The following PCDH7 variants were observed in gnomAD, a reference collection of about 807,000 sequenced individuals.
PCDH7 encodes the protein protocadherin 7.
A neutral mutation model predicts 58.9 loss-of-function variants in PCDH7; 17 were observed. That is an observed-to-expected ratio of 0.29 (90% confidence interval 0.20 to 0.43). PCDH7 has a LOEUF of 0.43. PCDH7 is among the 20% of genes least tolerant of loss of function. The pLI, the probability that PCDH7 is intolerant of heterozygous loss-of-function variation, is 1.00. For missense variants in PCDH7, 1,274 were observed against 1,441.0 expected (o/e 0.88, Z 1.88); for synonymous variants, 664 against 616.4 (o/e 1.08, Z -1.14).
intron 3 of PCDH7, among the ~76,000 whole-genome samples, chr4:31,120,290 C>A (rs56271018): frequency 0.12 from 17,990 of 151,312 alleles, 2,096 homozygotes; most frequent in East Asian, 0.48. Flanking sequence ...CTGTTCATCC[C>A]TATTTCTTTT....
At chr4:31,132,800 C>T (rs930141614) in intron 3 of PCDH7, among the ~76,000 whole-genome samples, 3 of 152,128 alleles carry the variant, frequency 2.0e-5, no homozygotes, top group African/African-American at 7.2e-5. Context: ...AACAAAGATT[C>T]AGTTGCTGGC....
intron 3 of PCDH7, among the ~76,000 whole-genome samples, chr4:31,067,757 G>A (rs1190089774): frequency 6.6e-6 from 1 of 151,900 alleles, no homozygotes; most frequent in Non-Finnish European, 1.5e-5. Flanking sequence ...GAACAAACAA[G>A]CTTCTTCCTT....
rs534623220 is a variant in PCDH7 at position 30,853,795 on chromosome 4, A to G, written c.71-66358A>G. The stretch of plus-strand genomic sequence containing the variant: ...GTTAAAAGTCACTTTGGATGTAAAA[A>G]TGTAACTACCACATCAGCCAGGATT... On this transcript the variant is annotated intron_variant, in intron 1 of 3. Transcript: ENST00000509759. 7.2e-5 allele frequency among the ~76,000 whole-genome samples: 11 copies of G among 152,198 alleles called. No homozygotes were observed. In the South Asian group the frequency reaches 2.3e-3, roughly 32 times the overall value.
intron 3 of PCDH7, among the ~76,000 whole-genome samples, chr4:30,987,203 A>C (rs1360016522): frequency 6.6e-6 from 1 of 152,170 alleles, no homozygotes; most frequent in Non-Finnish European, 1.5e-5. Flanking sequence ...AAACAACAAC[A>C]AAAACAAAAC....
chr4:30,979,473 A>C (rs1254031510), intron 3 of PCDH7, among the ~76,000 whole-genome samples: 1 of 152,184 alleles, frequency 6.6e-6, no homozygotes, highest in African/African-American at 2.4e-5. Flanking sequence ...GGTATTTACA[A>C]ATATCAATTC....
At chr4:30,904,338 A>C (rs758402974) in intron 1 of PCDH7, among the ~76,000 whole-genome samples, 1 of 152,130 alleles carries the variant, frequency 6.6e-6, no homozygotes, top group Non-Finnish European at 1.5e-5. Flanking sequence ...AGCTCTTGGC[A>C]TGCAGCCCAC....
intron 3 of PCDH7, among the ~76,000 whole-genome samples, chr4:30,961,722 A>G (rs1191733926): frequency 1.3e-5 from 2 of 152,194 alleles, no homozygotes; most frequent in Non-Finnish European, 2.9e-5. Flanking sequence ...ATTATTGCCA[A>G]TTAATACAGA....
intron 1 of PCDH7, among the ~76,000 whole-genome samples, chr4:30,835,109 TG>T (rs1730315313): frequency 6.6e-6 from 1 of 152,180 alleles, no homozygotes; most frequent in Non-Finnish European, 1.5e-5. Flanking sequence ...TGGGGTTTGC[TG>T]TGTGCCATAT....
At chr4:30,812,253 T>C (rs1194434859) in intron 1 of PCDH7, among the ~76,000 whole-genome samples, 1 of 152,206 alleles carries the variant, frequency 6.6e-6, no homozygotes, top group Non-Finnish European at 1.5e-5. Context: ...CAGCACAGTT[T>C]TGAGATCATC....
intron 3 of PCDH7, among the ~76,000 whole-genome samples, chr4:30,976,915 G>A (rs1750124785): frequency 6.6e-6 from 1 of 152,034 alleles, no homozygotes; most frequent in African/African-American, 2.4e-5. Context: ...ATCTTATCAG[G>A]AAACTGGGTA....
At chr4:30,746,726 A>G (rs1337696868) in intron 1 of PCDH7, among the ~76,000 whole-genome samples, 1 of 152,210 alleles carries the variant, frequency 6.6e-6, no homozygotes, top group Admixed American at 6.5e-5. Context: ...TAATGACAAA[A>G]TTGAAAATTG....
intron 1 of PCDH7, among the ~76,000 whole-genome samples, chr4:30,861,656 A>G (rs1360634058): frequency 1.3e-5 from 2 of 152,120 alleles, no homozygotes; most frequent in South Asian, 2.1e-4. Flanking sequence ...GTGTAGTACT[A>G]TATTACTTAA....
intron 3 of PCDH7, among the ~76,000 whole-genome samples, chr4:31,073,562 T>C (rs1288255857): frequency 6.6e-6 from 1 of 152,166 alleles, no homozygotes; most frequent in African/African-American, 2.4e-5. Flanking sequence ...GAAAGACTTC[T>C]GAACAAGACT....
chr4:30,909,265 C>T (rs1248927882), intron 1 of PCDH7, among the ~76,000 whole-genome samples: 1 of 152,032 alleles, frequency 6.6e-6, no homozygotes, highest in Non-Finnish European at 1.5e-5. Flanking sequence ...GTTTGAAAAA[C>T]GGCACAAGAC....
chr4:30,978,001 T>C (rs770955974), intron 3 of PCDH7, among the ~76,000 whole-genome samples: 11 of 152,172 alleles, frequency 7.2e-5, no homozygotes, highest in Non-Finnish European at 1.3e-4. Context: ...GTTTTTTTCT[T>C]CCATACTCTG....
At chr4:31,064,097 A>G (rs1212569159) in intron 3 of PCDH7, among the ~76,000 whole-genome samples, 1 of 152,034 alleles carries the variant, frequency 6.6e-6, no homozygotes, top group African/African-American at 2.4e-5. Context: ...ATTTTGAGCC[A>G]CATAATAAGT....
chr4:30,943,605 C>T (rs2109439066), intron 2 of PCDH7, among the ~76,000 whole-genome samples: 1 of 152,290 alleles, frequency 6.6e-6, no homozygotes, highest in South Asian at 2.1e-4. Flanking sequence ...CATCTCTTCA[C>T]TGCTGGCCAA....
intron 3 of PCDH7, among the ~76,000 whole-genome samples, chr4:30,985,773 C>T (rs7696734): frequency 0.049 from 7,419 of 152,240 alleles, 407 homozygotes; most frequent in East Asian, 0.3. Context: ...CCTTGCTTTG[C>T]ACAGGGATGT....
At chr4:31,026,061 T>C (rs1754396249) in intron 3 of PCDH7, among the ~76,000 whole-genome samples, 1 of 152,232 alleles carries the variant, frequency 6.6e-6, no homozygotes, top group Non-Finnish European at 1.5e-5. Flanking sequence ...TGCCATGTCT[T>C]ACACTGCCAT....
Sources: gnomAD v4.1 joint callset for allele counts (sites outside exome capture counted in the v4.1 genomes callset) on GRCh38, gnomAD v4.1.1 for gene constraint, MANE v1.5 for transcripts, NCBI Gene and HGNC (gene_info 2026-07-23, HGNC 2026-07-21) for gene names.